The following MB21D2 variants were observed in gnomAD, a reference collection of about 807,000 sequenced individuals.
MB21D2 encodes the protein Mab-21 domain containing 2, also known as nucleotidyltransferase MB21D2.
Under a neutral mutation model 33.3 loss-of-function variants are expected in MB21D2, and 9 were observed. The ratio of observed to expected loss-of-function variants is 0.27; its 90% CI spans 0.16 to 0.47. MB21D2 has a LOEUF of 0.47. MB21D2 is among the 20% of genes least tolerant of loss of function. The probability of loss-of-function intolerance (pLI) is 0.99; values close to 1 mark genes in which losing one functional copy is unlikely to be tolerated. For synonymous variants in MB21D2, 241 were observed against 236.3 expected (o/e 1.02, Z -0.18); for missense variants, 540 against 624.6 (o/e 0.86, Z 1.44).
chr3:192,880,439 T>G (rs1033803588), intron 1 of MB21D2, among the ~76,000 whole-genome samples: 1 of 152,072 alleles, frequency 6.6e-6, no homozygotes, highest in African/African-American at 2.4e-5. Flanking sequence ...AGATATTTAT[T>G]AGAAGAACTA....
At chr3:192,836,825 A>C (rs1307794993) in intron 1 of MB21D2, among the ~76,000 whole-genome samples, 10 of 152,188 alleles carry the variant, frequency 6.6e-5, no homozygotes, top group African/African-American at 2.4e-4. Flanking sequence ...TCTAAAGAAA[A>C]GACTTTCATC....
intron 1 of MB21D2, among the ~76,000 whole-genome samples, chr3:192,842,724 A>G (rs1577180585): frequency 6.6e-6 from 1 of 152,216 alleles, no homozygotes; most frequent in African/African-American, 2.4e-5. Flanking sequence ...AAGTCATCCT[A>G]TGTAACAAAA....
intron 1 of MB21D2, among the ~76,000 whole-genome samples, chr3:192,824,492 AAAATAAATAAATAAATAAAT>A (rs61642372): frequency 6.8e-6 from 1 of 147,508 alleles, no homozygotes; most frequent in African/African-American, 2.5e-5. Flanking sequence ...CTGATTTCTG[AAAATAAATAAATAAATAAAT>A]AAATAAATAA....
rs370165430 is a variant in MB21D2, at chr3:192,889,093, G to A, written c.211+28537C>T. Among the ~76,000 whole-genome samples, 143 of 152,218 alleles carry A rather than the reference G, an allele frequency of 9.4e-4. 3 individuals are homozygous for A. The South Asian group carries it at 0.016, about 17-fold the overall frequency. On this transcript the variant is annotated intron_variant, in intron 1 of 1. Transcript: ENST00000392452. ...CCTTCAGCAAGCACGCAATCCAGTG[G>A]AAATGTCACCAGGCAGAAGAATTAA...
intron 1 of MB21D2, among the ~76,000 whole-genome samples, chr3:192,810,584 A>C (rs1711762734): frequency 6.6e-6 from 1 of 152,226 alleles, no homozygotes; most frequent in Non-Finnish European, 1.5e-5. Context: ...GAAATTTTCA[A>C]ACATATACAA....
intron 1 of MB21D2, among the ~76,000 whole-genome samples, chr3:192,898,853 T>C (rs1332769593): frequency 6.6e-6 from 1 of 152,228 alleles, no homozygotes; most frequent in African/African-American, 2.4e-5. Context: ...AGTGGAGATT[T>C]GACAGAGCTG....
intron 1 of MB21D2, among the ~76,000 whole-genome samples, chr3:192,854,423 G>T (rs184427951): frequency 6.6e-6 from 1 of 152,304 alleles, no homozygotes; most frequent in East Asian, 1.9e-4. Context: ...CAGAAGAAAA[G>T]TTTGAAGCTA....
At chr3:192,894,998 C>A (rs1221965380) in intron 1 of MB21D2, among the ~76,000 whole-genome samples, 1 of 150,446 alleles carries the variant, frequency 6.6e-6, no homozygotes, top group Non-Finnish European at 1.5e-5. Flanking sequence ...GCATCAAACT[C>A]ATCACCAACT....
intron 1 of MB21D2, among the ~76,000 whole-genome samples, chr3:192,831,448 A>G (rs1712312827): frequency 6.6e-6 from 1 of 152,238 alleles, no homozygotes; most frequent in African/African-American, 2.4e-5. Flanking sequence ...AAGTTTTGGA[A>G]TAATTGTTTA....
intron 1 of MB21D2, among the ~76,000 whole-genome samples, chr3:192,896,085 C>T (rs535424347): frequency 6.6e-6 from 1 of 152,312 alleles, no homozygotes; most frequent in African/African-American, 2.4e-5. Flanking sequence ...GTTTAACATA[C>T]AACACATGCA....
intron 1 of MB21D2, among the ~76,000 whole-genome samples, chr3:192,825,984 G>A (rs1712165788): frequency 6.6e-6 from 1 of 152,216 alleles, no homozygotes; most frequent in African/African-American, 2.4e-5. Context: ...CAAGGGGAAT[G>A]TGGTGTGGTC....
chr3:192,872,387 G>A (rs796948955), intron 1 of MB21D2, among the ~76,000 whole-genome samples: 2 of 151,946 alleles, frequency 1.3e-5, no homozygotes, highest in Non-Finnish European at 2.9e-5. Flanking sequence ...CCATCATGGC[G>A]AACACGGTGA....
chr3:192,850,494 G>A (rs145768013), intron 1 of MB21D2, among the ~76,000 whole-genome samples: 28 of 152,286 alleles, frequency 1.8e-4, no homozygotes, highest in African/African-American at 6.7e-4. Context: ...CATGTGTGGT[G>A]AGCCGGGCAG....
chr3:192,801,447 T>C (rs1711560101), intron 1 of MB21D2, among the ~76,000 whole-genome samples: 1 of 152,344 alleles, frequency 6.6e-6, no homozygotes, highest in Non-Finnish European at 1.5e-5. Flanking sequence ...ATTGTTATAC[T>C]CTGAACGTTC....
chr3:192,815,618 G>C (rs1341853755), intron 1 of MB21D2, among the ~76,000 whole-genome samples: 1 of 152,162 alleles, frequency 6.6e-6, no homozygotes, highest in Non-Finnish European at 1.5e-5. Context: ...GCTGAGATTG[G>C]CTACTTTTCA....
intron 1 of MB21D2, among the ~76,000 whole-genome samples, chr3:192,834,761 G>A (rs529686218): frequency 1.1e-4 from 16 of 151,344 alleles, no homozygotes; most frequent in African/African-American, 3.6e-4. Flanking sequence ...CTTGAATTGC[G>A]CAGACAATTA....
At chr3:192,855,138 C>T (rs180742036) in intron 1 of MB21D2, among the ~76,000 whole-genome samples, 195 of 152,184 alleles carry the variant, frequency 1.3e-3, no homozygotes, top group African/African-American at 4.4e-3. Flanking sequence ...TGCTCTGTTG[C>T]CCAGAGCTGG....
chr3:192,867,947 G>C (rs1401357664), intron 1 of MB21D2, among the ~76,000 whole-genome samples: 1 of 152,164 alleles, frequency 6.6e-6, no homozygotes, highest in African/African-American at 2.4e-5. Flanking sequence ...GGGGAGGAAG[G>C]AAGATTGGAA....
At chr3:192,800,316 CA>C (rs1433833454) in intron 1 of MB21D2, among the ~76,000 whole-genome samples, 1 of 152,060 alleles carries the variant, frequency 6.6e-6, no homozygotes. Context: ...TGGCCTCAAG[CA>C]ATTCTCCTAC....
Sources: allele counts gnomAD v4.1 joint callset (sites outside exome capture counted in the v4.1 genomes callset), GRCh38; gene constraint gnomAD v4.1.1; transcripts MANE v1.5; gene names NCBI Gene and HGNC (gene_info 2026-07-23, HGNC 2026-07-21).